Variants in SAMD12 observed in about 807,000 individuals in gnomAD.
The protein encoded by SAMD12 is sterile alpha motif domain-containing protein 12.
Under a neutral mutation model 15.0 loss-of-function variants are expected in SAMD12, and 9 were observed. The ratio of observed to expected loss-of-function variants is 0.60; its 90% CI spans 0.36 to 1.05. The LOEUF is 1.05. Ranked by LOEUF, SAMD12 falls within the 50% of genes least tolerant of loss-of-function variation. The pLI is 0.01. For synonymous variants in SAMD12, 86 were observed against 90.1 expected, an observed-to-expected ratio of 0.96 and a Z score of 0.25; for missense variants, 230 against 234.2, an observed-to-expected ratio of 0.98 and a Z score of 0.12.
At chr8:118,529,775 G>A (rs541709871) in intron 2 of SAMD12, among the ~76,000 whole-genome samples, 17 of 152,090 alleles carry the variant, frequency 1.1e-4, no homozygotes, top group Middle Eastern at 3.4e-3. Context: ...GTATGTATGC[G>A]TGTGTCTGTG....
chr8:118,606,816 G>A (rs891653372), intron 1 of SAMD12, among the ~76,000 whole-genome samples: 2 of 152,170 alleles, frequency 1.3e-5, no homozygotes, highest in Admixed American at 6.5e-5. Flanking sequence ...AGAAGGAAAT[G>A]GAGATCATGT....
intron 1 of SAMD12, among the ~76,000 whole-genome samples, chr8:118,610,186 G>A (rs1201052866): frequency 6.6e-6 from 1 of 152,118 alleles, no homozygotes; most frequent in Admixed American, 6.6e-5. Flanking sequence ...TCCATAAAAA[G>A]AGAATGCAAA....
At chr8:118,240,152 G>T (rs575705924) in intron 4 of SAMD12, among the ~76,000 whole-genome samples, 19 of 152,176 alleles carry the variant, frequency 1.2e-4, no homozygotes, top group African/African-American at 4.3e-4. Context: ...ACATGATGAG[G>T]AGCTAACGCT....
chr8:118,419,708 C>T (rs898351900), intron 3 of SAMD12, among the ~76,000 whole-genome samples: 1 of 152,176 alleles, frequency 6.6e-6, no homozygotes, highest in Non-Finnish European at 1.5e-5. Flanking sequence ...AACTGATCAT[C>T]ACTGTGAATG....
chr8:118,247,033 T>C (rs1432922978), intron 4 of SAMD12, among the ~76,000 whole-genome samples: 1 of 152,012 alleles, frequency 6.6e-6, no homozygotes, highest in Admixed American at 6.6e-5. Context: ...TGCATATGGC[T>C]GAATATGGAG....
At chr8:118,528,987 G>C (rs11994773) in intron 2 of SAMD12, among the ~76,000 whole-genome samples, 3,290 of 152,264 alleles carry the variant, frequency 0.022, 92 homozygotes, top group African/African-American at 0.069. Context: ...AAAAAGAAGA[G>C]ATTCAACACC....
chr8:118,186,057 T>C (rs962895579), downstream of SAMD12, among the ~76,000 whole-genome samples: 1 of 152,182 alleles, frequency 6.6e-6, no homozygotes, highest in African/African-American at 2.4e-5. Flanking sequence ...GATGCTTGAA[T>C]GAATTTTGAA....
At chr8:118,621,664 C>A in intron 1 of SAMD12, 140 bp downstream of exon 1, 1 of 928,296 alleles carries the variant, frequency 1.1e-6, no homozygotes. Context: ...AGGTGAGTGC[C>A]AAGAGGTGGA....
In SAMD12 at chr8:118,370,062, TTTACAAGAAGAAAACAAAC is replaced by T. The variant is rs1352281139; in HGVS notation, c.433+9479_433+9497del. Among the ~76,000 whole-genome samples, 8 of 152,054 alleles carry T rather than the reference TTTACAAGAAGAAAACAAAC, an allele frequency of 5.3e-5. No homozygotes were observed. In the East Asian group the frequency reaches 1.2e-3, roughly 22 times the overall value. ...AGAATCTATAAGGAACTTAAACAAA[TTTACAAGAAGAAAACAAAC>T]TTACAAGAAGAAAACAAACAACCCC... On this transcript the variant is annotated intron_variant, in intron 4 of 4. Transcript: ENST00000409003.
In SAMD12 at chr8:118,270,682, AC is replaced by A. The variant is rs146950975; in HGVS notation, c.434-72951del. 4.2e-3 allele frequency among the ~76,000 whole-genome samples: 639 copies of A among 152,292 alleles called. 2 individuals are homozygous for A. Among genetic ancestry groups the A allele is most frequent in the Middle Eastern group, 6.8e-3 (2 of 294 alleles). ...ACAGAACATAATGTGTGCTTTTAGT[AC>A]TTTCCAGTGCTTGGATATTACAGGG... On this transcript the variant is annotated intron_variant, in intron 4 of 4. Coordinates refer to the SAMD12 transcript ENST00000409003.
the SAMD12 span, among the ~76,000 whole-genome samples, chr8:118,173,884 C>T: frequency 2.0e-5 from 3 of 152,208 alleles, no homozygotes; most frequent in South Asian, 6.2e-4. Flanking sequence ...CCTGCCTTGG[C>T]CTCCCAAAGT....
At chr8:118,291,351 G>C (rs1814353545) in intron 4 of SAMD12, 1 of 152,126 alleles carries the variant, frequency 6.6e-6, no homozygotes, top group Admixed American at 6.5e-5. Flanking sequence ...CCTCAGGTCA[G>C]TCCTATGGCC....
intron 2 of SAMD12, among the ~76,000 whole-genome samples, chr8:118,497,156 C>G (rs1248256279): frequency 6.6e-6 from 1 of 152,162 alleles, no homozygotes; most frequent in African/African-American, 2.4e-5. Flanking sequence ...AGAAAGCAAT[C>G]TGGAGATTTC....
chr8:118,574,706 G>C (rs898756966), intron 2 of SAMD12, among the ~76,000 whole-genome samples: 1 of 152,080 alleles, frequency 6.6e-6, no homozygotes, highest in South Asian at 2.1e-4. Context: ...CATGTACTGG[G>C]GTCCTGGAAC....
intron 2 of SAMD12, among the ~76,000 whole-genome samples, chr8:118,571,096 C>T (rs1357035740): frequency 6.6e-6 from 1 of 152,108 alleles, no homozygotes; most frequent in Non-Finnish European, 1.5e-5. Context: ...ATACAATAAA[C>T]TGTATTGTAT....
At chr8:118,575,628 G>C (rs1236052219) in intron 2 of SAMD12, among the ~76,000 whole-genome samples, 1 of 152,128 alleles carries the variant, frequency 6.6e-6, no homozygotes, top group Non-Finnish European at 1.5e-5. Context: ...TTTTATAAAG[G>C]AAAGGTACAG....
chr8:118,574,952 T>C (rs1827111018), intron 2 of SAMD12, among the ~76,000 whole-genome samples: 1 of 152,222 alleles, frequency 6.6e-6, no homozygotes, highest in Non-Finnish European at 1.5e-5. Flanking sequence ...CAAAGGCAGC[T>C]AAGCAATGTA....
chr8:118,374,480 CT>C (rs1290015007), downstream of SAMD12, among the ~76,000 whole-genome samples: 5 of 152,218 alleles, frequency 3.3e-5, no homozygotes, highest in East Asian at 3.9e-4. Flanking sequence ...GCTTTGAATT[CT>C]TTTGGATATG....
chr8:118,283,177 C>T (rs190741345), intron 4 of SAMD12, among the ~76,000 whole-genome samples: 193 of 152,096 alleles, frequency 1.3e-3, no homozygotes, highest in African/African-American at 4.1e-3. Context: ...ATGTGCACAA[C>T]GTGCAGGTTT....
Sources: gnomAD v4.1 joint callset for allele counts (sites outside exome capture counted in the v4.1 genomes callset) on GRCh38, gnomAD v4.1.1 for gene constraint, MANE v1.5 for transcripts, NCBI Gene and HGNC (gene_info 2026-07-23, HGNC 2026-07-21) for gene names.